Variants in ZNF446 observed in about 807,000 individuals in gnomAD.
ZNF446 encodes zinc finger protein 446, also known as zinc finger protein with KRAB and SCAN domains 20.
A neutral mutation model predicts 34.0 loss-of-function variants in ZNF446; 42 were observed. The observed-to-expected ratio is 1.23, with a 90% CI of 0.96 to 1.60. The LOEUF is 1.60. ZNF446 is among the 40% of genes most tolerant of loss of function. ZNF446 has a pLI of 0.00. For missense variants in ZNF446, 650 were observed against 600.2 expected (o/e 1.08, Z -0.87); for synonymous variants, 315 against 251.0 (o/e 1.25, Z -2.41).
chr19:58,476,598 C>G (rs2053087825), intron 1 of ZNF446, 94 bp downstream of exon 1: 1 of 152,254 alleles, frequency 6.6e-6, no homozygotes, highest in African/African-American at 2.4e-5. Context: ...TTTTTCTTGG[C>G]CTTTGCTTTT....
chr19:58,488,241 C>T, the ZNF446 span, among the ~76,000 whole-genome samples: 1 of 142,186 alleles, frequency 7.0e-6, no homozygotes, highest in Non-Finnish European at 1.6e-5. Context: ...TGGCCACACA[C>T]CCTGTTCATG....
rs1568618214 is a variant in ZNF446, at chr19:58,480,102, C to G, written c.803-74C>G. 1 of 1,560,562 alleles carries G rather than the reference C, an allele frequency of 6.4e-7. No individual in the cohort carries two copies. Among genetic ancestry groups the G allele is most frequent in the Non-Finnish European group, 8.6e-7 (1 of 1,159,572 alleles). ...CCACCCACTCATGGGGGGACGGGAG[C>G]TTGTGCCACGGCCACAAGCCTGAGG... is the stretch of plus-strand genomic sequence containing the variant. On this transcript the variant is annotated intron_variant, in intron 6 of 6. Coordinates refer to ENST00000594369, the MANE Select transcript of ZNF446 (RefSeq NM_017908.4). The surrounding 1 kb of genome is among the most constrained non-coding windows in gnomAD (Gnocchi z 7.2).
chr19:58,484,437 G>C (rs1343355841), downstream of ZNF446, among the ~76,000 whole-genome samples: 1 of 149,476 alleles, frequency 6.7e-6, no homozygotes, highest in African/African-American at 2.5e-5. Flanking sequence ...CTGCACTCCA[G>C]CCTGGGCAAC....
At position 58,477,211 on chromosome 19, in the gene ZNF446, G is replaced by C. The variant is rs201466747; in HGVS notation, c.-8G>C. The C allele has an allele frequency of 4.3e-5, 67 of 1,542,740 alleles. No individual in the cohort carries two copies. Among genetic ancestry groups the C allele is most frequent in the Middle Eastern group, 4.1e-4 (2 of 4,898 alleles). On this transcript the variant is annotated 5_prime_UTR_variant, in exon 2 of 7. Coordinates refer to ENST00000594369, the MANE Select transcript of ZNF446 (RefSeq NM_017908.4). ...TTGACGATTCCAAGACCACCCCCTT[G>C]AGCAAGAATGCCATCCCCTCTGGGT...
chr19:58,479,744 C>T lies in ZNF446; in HGVS notation c.712+17C>T, dbSNP rs1341594269. The T allele has an allele frequency of 1.2e-6, 2 of 1,603,346 alleles. No homozygotes were observed. The highest frequency in any genetic ancestry group is 2.2e-5 in the East Asian group (1 of 44,460). ...TCTCCCTGGGTGAGGACCAGCCAGC[C>T]CCACCCCGCCCCTCTCCCTGGGGCC... On this transcript the variant is annotated intron_variant, in intron 5 of 6. Transcript: ENST00000594369.
Position 58,480,855 on chromosome 19 carries a change from C to A in ZNF446, c.*129C>A. The stretch of plus-strand genomic sequence containing the variant: ...GTGAACAAGGGGTCCCAAGCCAGTT[C>A]CCTGCCCCTGGTCTGGTCTCCCCCA... On this transcript the variant is annotated 3_prime_UTR_variant, in exon 7 of 7. Coordinates refer to ENST00000594369, the MANE Select transcript of ZNF446 (RefSeq NM_017908.4). The surrounding 1 kb of genome is among the most constrained non-coding windows in gnomAD (Gnocchi z 7.2). The A allele has an allele frequency of 9.1e-7, 1 of 1,102,624 alleles. No individual in the cohort carries two copies. The highest frequency in any genetic ancestry group is 1.6e-5 in the South Asian group (1 of 64,410). 68.3% of individuals were successfully genotyped at this position (1,102,624 alleles called of 1,614,324 possible). A position where few individuals can be genotyped will look rare whatever the true frequency, so the allele number is the denominator to read the frequency against.
At chr19:58,488,299 C>T in the ZNF446 span, among the ~76,000 whole-genome samples, 8 of 124,400 alleles carry the variant, frequency 6.4e-5, no homozygotes, top group South Asian at 2.7e-4. Context: ...GCCACACACC[C>T]TGTTCATGGC....
the ZNF446 span, among the ~76,000 whole-genome samples, chr19:58,486,951 C>A: frequency 2.0e-4 from 30 of 151,454 alleles, no homozygotes; most frequent in African/African-American, 7.3e-4. Context: ...TACAGGTGCC[C>A]GCCACCACAC....
downstream of ZNF446, among the ~76,000 whole-genome samples, chr19:58,486,042 G>A (rs1230039604): frequency 1.3e-5 from 2 of 149,974 alleles, no homozygotes; most frequent in Non-Finnish European, 3.0e-5. Context: ...TCAGCCTCCT[G>A]AGTAGCTGGG....
chr19:58,488,454 C>A, the ZNF446 span, among the ~76,000 whole-genome samples: 67,707 of 143,100 alleles, frequency 0.47, 17,122 homozygotes, highest in African/African-American at 0.57. Flanking sequence ...GTCAACAAAC[C>A]AGATACACAT....
At chr19:58,487,995 C>A in the ZNF446 span, among the ~76,000 whole-genome samples, 1 of 152,106 alleles carries the variant, frequency 6.6e-6, no homozygotes, top group Non-Finnish European at 1.5e-5. Context: ...AGGGCTTCAC[C>A]TGCCTTGCTC....
downstream of ZNF446, among the ~76,000 whole-genome samples, chr19:58,482,431 T>G (rs1200549488): frequency 6.6e-6 from 1 of 152,102 alleles, no homozygotes; most frequent in Non-Finnish European, 1.5e-5. Context: ...GATTCAGCAC[T>G]CTTCTCCTTC....
chr19:58,479,257 G>A (rs1004542825), intron 4 of ZNF446, among the ~76,000 whole-genome samples: 3 of 152,116 alleles, frequency 2.0e-5, no homozygotes, highest in Non-Finnish European at 4.4e-5. Context: ...CCTGCCCCTG[G>A]ACTTGCCACA....
the ZNF446 span, among the ~76,000 whole-genome samples, chr19:58,488,668 G>A: frequency 6.6e-6 from 1 of 151,664 alleles, no homozygotes; most frequent in Non-Finnish European, 1.5e-5. Flanking sequence ...TGGCTAACAT[G>A]GTGGAACCCC....
intron 4 of ZNF446, among the ~76,000 whole-genome samples, 186 bp downstream of exon 4, chr19:58,478,367 T>C (rs569509461): frequency 6.6e-6 from 1 of 152,200 alleles, no homozygotes; most frequent in Non-Finnish European, 1.5e-5. Context: ...TGATCTATTA[T>C]TGAAAAGGAT....
At chr19:58,488,207 A>G in the ZNF446 span, among the ~76,000 whole-genome samples, 10 of 129,674 alleles carry the variant, frequency 7.7e-5, no homozygotes, top group African/African-American at 1.2e-4. Flanking sequence ...CACTGTGAGG[A>G]CAGGTCTTCA....
rs764574275 is a variant in ZNF446, at chr19:58,478,052, CCT to C, written c.533-34_533-33del. ...TCTGCCATGGCTCATGTGGGCAGCC[CCT>C]GACACCACCCTTCCATCTGCCCCAC... On this transcript the variant is annotated intron_variant, in intron 3 of 6. Transcript: ENST00000594369. 1.7e-4 allele frequency: 275 copies of C among 1,585,304 alleles called. 1 individual carries two copies. The highest frequency in any genetic ancestry group is 6.0e-4 in the Admixed American group (35 of 58,012).
the ZNF446 span, among the ~76,000 whole-genome samples, chr19:58,488,007 T>C: frequency 3.3e-5 from 5 of 152,056 alleles, no homozygotes; most frequent in Admixed American, 1.3e-4. Context: ...GCCTTGCTCA[T>C]GGCCACACAC....
Position 58,479,941 on chromosome 19 carries a change from C to G in ZNF446, c.724C>G (p.His242Asp). ...CCCCACCCGGGCAGGGTTACCGCCC[C>G]ACCAGCCAGAGGCACAGGCCCAGTC... ...GTVVSLGLPP[H>D]QPEAQAQSEL... is the part of the protein sequence containing the mutation. Residue 242 changes from histidine (H) to aspartate (D), a missense_variant, in exon 6 of 7, where the codon CAC becomes GAC. Physicochemically the swap from His to Asp is moderately conservative, Grantham distance 81. Transcript: ENST00000594369. 7 of 1,581,572 alleles carry G rather than the reference C, an allele frequency of 4.4e-6. No individual in the cohort carries two copies. Among genetic ancestry groups the G allele is most frequent in the Non-Finnish European group, 6.0e-6 (7 of 1,166,742 alleles).
Sources: gnomAD v4.1 joint callset for allele counts (sites outside exome capture counted in the v4.1 genomes callset) on GRCh38, gnomAD v4.1.1 for gene constraint, Gnocchi (gnomAD v3.1) non-coding constraint, MANE v1.5 for transcripts, NCBI Gene and HGNC (gene_info 2026-07-23, HGNC 2026-07-21) for gene names.